The following ZNF596 variants were observed in gnomAD, a reference collection of about 807,000 sequenced individuals.
The protein encoded by ZNF596 is zinc finger protein 596.
In ZNF596, 45 loss-of-function variants were observed where a neutral mutation model predicts 48.3. That is an observed-to-expected ratio of 0.93 (90% CI 0.73 to 1.19). ZNF596 has a LOEUF of 1.19. ZNF596 is among the 50% of genes most tolerant of loss of function. ZNF596 has a pLI of 0.00. For synonymous variants in ZNF596, 270 were observed against 202.0 expected, an observed-to-expected ratio of 1.34 and a Z score of -2.85; for missense variants, 848 against 599.7, an observed-to-expected ratio of 1.41 and a Z score of -4.32.
At chr8:244,850 C>A in intron 5 of ZNF596, 149 bp downstream of exon 5, 2 of 719,554 alleles carry the variant, frequency 2.8e-6, no homozygotes, top group Non-Finnish European at 2.3e-6. Context: ...AACTTCAAAT[C>A]AAAACCATAA....
At chr8:241,088 CA>C (rs1240888560) in intron 2 of ZNF596, among the ~76,000 whole-genome samples, 181 bp downstream of exon 2, 1 of 152,174 alleles carries the variant, frequency 6.6e-6, no homozygotes, top group East Asian at 1.9e-4. Context: ...AATGTCCTTT[CA>C]ACAGTACACT....
intron 2 of ZNF596, 141 bp from the exon 3 acceptor site, chr8:242,746 A>G: frequency 1.5e-6 from 1 of 656,472 alleles, no homozygotes; most frequent in South Asian, 5.6e-5. Flanking sequence ...GATTTAAAGC[A>G]ATGTGACAGG....
intron 1 of ZNF596, chr8:234,628 A>G (rs982012679): frequency 2.6e-5 from 4 of 152,236 alleles, no homozygotes; most frequent in East Asian, 1.9e-4. Flanking sequence ...TTGTTTTGTC[A>G]TCTCCCGCCT....
chr8:238,134 C>T (rs1344054698), intron 1 of ZNF596, among the ~76,000 whole-genome samples: 1 of 152,164 alleles, frequency 6.6e-6, no homozygotes, highest in Non-Finnish European at 1.5e-5. Flanking sequence ...CTCACAGGGG[C>T]CTTGGATGTC....
rs1797015680 is a variant in ZNF596, at chr8:245,223, T to C, written c.376T>C (p.Leu126=). The C allele has an allele frequency of 1.9e-6, 3 of 1,613,902 alleles. No homozygotes were observed. Among genetic ancestry groups the C allele is most frequent in the Non-Finnish European group, 2.5e-6 (3 of 1,179,914 alleles). ...AGAAGATTTCACTCAACATATAGCA[T>C]TGACTCAAAATGTGATTACCTACAT... ...LGEDFTQHIA[L]TQNVITYMRT... Residue 126 remains leucine (L), a synonymous_variant, in exon 6 of 6, where the codon TTG becomes CTG. Coordinates refer to ENST00000398612, the MANE Select transcript of ZNF596 (RefSeq NM_001042416.3).
intron 1 of ZNF596, among the ~76,000 whole-genome samples, chr8:239,147 A>C (rs1320355755): frequency 1.3e-5 from 2 of 152,154 alleles, no homozygotes; most frequent in African/African-American, 4.8e-5. Flanking sequence ...AAAGTGAAGA[A>C]ACTGTCTGTC....
rs1797081939 is a variant in ZNF596 at position 246,219 on chromosome 8, A to G, written c.1372A>G (p.Arg458Gly). 6.2e-7 allele frequency: 1 copy of G among 1,614,114 alleles called. No individual in the cohort carries two copies. The highest frequency in any genetic ancestry group is 8.5e-7 in the Non-Finnish European group (1 of 1,180,004). ...CAATATATGTGGTAAAGCCTTCAAT[A>G]GAAGTTACAACTTTAGACTTCATAG... ...ECNICGKAFN[R>G]SYNFRLHRRV... Residue 458 changes from arginine (R) to glycine (G), a missense_variant, in exon 6 of 6, where the codon AGA becomes GGA. Physicochemically the swap from Arg to Gly is moderately radical, Grantham distance 125. Transcript: ENST00000398612.
chr8:246,366 T>C lies in ZNF596; in HGVS notation c.*4T>C, dbSNP rs368162257. 5.0e-5 allele frequency: 78 copies of C among 1,572,734 alleles called. No homozygotes were observed. In the Admixed American group the frequency reaches 5.5e-4, roughly 11 times the overall value. On this transcript the variant is annotated 3_prime_UTR_variant, in exon 6 of 6. Coordinates refer to ENST00000398612, the MANE Select transcript of ZNF596 (RefSeq NM_001042416.3). ...TAAAAAAGCAATGAATATGTAAGAA[T>C]CATCAGCTGTAGCGTTAACACTAAA...
At chr8:237,730 T>C (rs762918782) in intron 1 of ZNF596, 2 of 152,278 alleles carry the variant, frequency 1.3e-5, no homozygotes, top group African/African-American at 2.4e-5. Flanking sequence ...CGTATGTTTT[T>C]AGCCACATAC....
intron 3 of ZNF596, 21 bp from the exon 4 acceptor site, chr8:243,701 G>GT: frequency 6.2e-7 from 1 of 1,611,602 alleles, no homozygotes; most frequent in Non-Finnish European, 8.5e-7. Flanking sequence ...CAAAATCCAT[G>GT]TATCTTTTTC....
rs530519869 is a variant in ZNF596, at chr8:246,631, G to C, written c.*269G>C. 3.1e-6 allele frequency: 1 copy of C among 323,038 alleles called. No individual in the cohort carries two copies. The highest frequency in any genetic ancestry group is 8.5e-5 in the South Asian group (1 of 11,738). The allele number at this position is 323,038 out of a possible 1,614,324, so 20.0% of individuals were successfully genotyped here. On this transcript the variant is annotated 3_prime_UTR_variant, in exon 6 of 6. Transcript: ENST00000398612. Reference sequence around the variant, plus strand: ...CATCCACAGCTCTGTTAAATAAATGGGAGAAATCACATCACGAAAATTCTG... The same window carrying C: ...CATCCACAGCTCTGTTAAATAAATGCGAGAAATCACATCACGAAAATTCTG...
chr8:244,297 T>C (rs1796969608), intron 4 of ZNF596: 2 of 289,020 alleles, frequency 6.9e-6, no homozygotes, highest in Non-Finnish European at 1.3e-5. Context: ...TTTATTCAAG[T>C]ATCTCTCTGT....
rs1364305610 is a variant in ZNF596 at position 242,940 on chromosome 8, C to A, written c.66C>A (p.Ala22=). The change falls in exon 3 of 6, where the codon GCC becomes GCA. Residue 22 remains alanine, a synonymous_variant. Transcript: ENST00000398612. ...IIVDFTQEEW[A]LLDTSQRKLF... ...TAGACTTCACTCAAGAAGAGTGGGC[C>A]CTGCTGGACACATCCCAGAGAAAGC... The A allele has an allele frequency of 1.0e-5, 16 of 1,604,036 alleles. No homozygotes were observed. Among genetic ancestry groups the A allele is most frequent in the Middle Eastern group, 3.3e-4 (2 of 6,020 alleles).
chr8:245,409 A>G lies in ZNF596; in HGVS notation c.562A>G (p.Thr188Ala). ...CTCTGCCCTTAGACCACACAGTGTG[A>G]CTCACACTAGAGAGATAACATTGGA... is the stretch of plus-strand genomic sequence containing the variant. ...QNSALRPHSV[T>A]HTREITLECR... The change falls in exon 6 of 6, where the codon ACT becomes GCT. Residue 188 changes from threonine (T) to alanine (A), a missense_variant. Physicochemically the swap from Thr to Ala is moderately conservative, Grantham distance 58. Transcript: ENST00000398612. 5 of 1,614,192 alleles carry G rather than the reference A, an allele frequency of 3.1e-6. No individual in the cohort carries two copies. The highest frequency in any genetic ancestry group is 4.2e-6 in the Non-Finnish European group (5 of 1,180,020).
intron 1 of ZNF596, among the ~76,000 whole-genome samples, chr8:235,478 GTT>G (rs543250255): frequency 7.0e-6 from 1 of 143,832 alleles, no homozygotes; most frequent in African/African-American, 2.5e-5. Flanking sequence ...CTGTATGTAT[GTT>G]TTTTTTTTTT....
At chr8:235,286 C>G (rs1246826328) in intron 1 of ZNF596, among the ~76,000 whole-genome samples, 1 of 152,216 alleles carries the variant, frequency 6.6e-6, no homozygotes, top group African/African-American at 2.4e-5. Context: ...TACTAGCACA[C>G]TGACTGCTCT....
chr8:241,303 G>A (rs1294240284), intron 2 of ZNF596, among the ~76,000 whole-genome samples: 3 of 152,126 alleles, frequency 2.0e-5, no homozygotes, highest in Non-Finnish European at 4.4e-5. Flanking sequence ...GCAGGTTATA[G>A]CCCATACAAA....
At chr8:241,057 C>A in intron 2 of ZNF596, 150 bp downstream of exon 2, 3 of 959,286 alleles carry the variant, frequency 3.1e-6, no homozygotes, top group Non-Finnish European at 3.3e-6. Flanking sequence ...TTTACATTGG[C>A]TCAAAGAGTC....
intron 4 of ZNF596, 70 bp from the exon 5 acceptor site, chr8:244,549 C>A: frequency 9.6e-7 from 1 of 1,040,202 alleles, no homozygotes; most frequent in Non-Finnish European, 1.5e-6. Context: ...CTCAAATGGG[C>A]TTTGGAGCTA....
Sources: allele counts gnomAD v4.1 joint callset (sites outside exome capture counted in the v4.1 genomes callset), GRCh38; gene constraint gnomAD v4.1.1; transcripts MANE v1.5; gene names NCBI Gene and HGNC (gene_info 2026-07-23, HGNC 2026-07-21).